NAT16: variants seen among roughly 807,000 people sequenced by gnomAD.
NAT16 encodes probable N-acetyltransferase 16.
NAT16 carries 16 observed loss-of-function variants against 15.9 expected under a neutral mutation model. The ratio of observed to expected loss-of-function variants is 1.01; its 90% CI spans 0.68 to 1.53. NAT16 has a LOEUF of 1.53. NAT16 is among the 40% of genes most tolerant of loss of function. The pLI is 0.00. For missense variants in NAT16, 572 were observed against 508.4 expected, an observed-to-expected ratio of 1.13 and a Z score of -1.20; for synonymous variants, 260 against 241.9, an observed-to-expected ratio of 1.07 and a Z score of -0.69.
intron 3 of NAT16, 51 bp downstream of exon 3, chr7:101,173,245 C>T (rs1187800223): frequency 3.3e-6 from 5 of 1,505,130 alleles, no homozygotes; most frequent in Admixed American, 1.7e-5. Flanking sequence ...AGGGTCTCCC[C>T]ATATGCCCCA....
chr7:101,172,014 A>G lies in NAT16; in HGVS notation c.*65T>C. On this transcript the variant is annotated 3_prime_UTR_variant, in exon 4 of 4. Transcript: ENST00000300303. The surrounding 1 kb of genome is among the most constrained non-coding windows in gnomAD (Gnocchi z 4.2). ...CGCAGCGTCGGAAATGGCAGGAAAGAGGCTGGCTGGGGAAACTGCGGAAGG... is the reference window on the plus strand; with the variant it reads ...CGCAGCGTCGGAAATGGCAGGAAAGGGGCTGGCTGGGGAAACTGCGGAAGG... The G allele has an allele frequency of 8.4e-7, 1 of 1,186,778 alleles. No homozygotes were observed. Among genetic ancestry groups the G allele is most frequent in the South Asian group, 1.4e-5 (1 of 73,902 alleles). The allele number at this position is 1,186,778 out of a possible 1,614,324, so 73.5% of individuals were successfully genotyped here.
chr7:101,172,420 G>T lies in NAT16; in HGVS notation c.769C>A (p.Arg257Ser), dbSNP rs34496028. The T allele has an allele frequency of 6.3e-7, 1 of 1,587,204 alleles. No homozygotes were observed. The highest frequency in any genetic ancestry group is 8.5e-7 in the Non-Finnish European group (1 of 1,169,862). Residue 257 changes from arginine to serine, a missense_variant, in exon 4 of 4, where the codon CGC becomes AGC. Physicochemically the swap from Arg to Ser is moderately radical, Grantham distance 110. Transcript: ENST00000300303. This position sits in a 1 kb window ranked among gnomAD's most constrained non-coding sequence, Gnocchi z 4.2. Reference sequence around the variant, plus strand: ...TCCAGGCCCTTGGCCGCCAGCAGGCGCAGGTTGCTTTCGCTAGGCCGGTAG... The same window carrying T: ...TCCAGGCCCTTGGCCGCCAGCAGGCTCAGGTTGCTTTCGCTAGGCCGGTAG... The part of the protein sequence containing the change: ...QPYRPSESNL[R>S]LLAAKGLEWR...
At chr7:101,179,386 A>T (rs1441355918) in intron 1 of NAT16, 7 of 138,446 alleles carry the variant, frequency 5.1e-5, no homozygotes, top group Non-Finnish European at 6.2e-5. Flanking sequence ...AAAAAATCCT[A>T]GCACGCACCC....
intron 1 of NAT16, chr7:101,179,043 G>A (rs1397265474): frequency 6.6e-6 from 1 of 151,796 alleles, no homozygotes; most frequent in Non-Finnish European, 1.5e-5. Flanking sequence ...AGTCAGAGCT[G>A]GGAATGCCGG....
At position 101,180,246 on chromosome 7, in the gene NAT16, T is replaced by C. The variant is rs1797560103; in HGVS notation, c.-209A>G. ...CGCTGGGGCAGCGCCGCAGCTCCGT[T>C]GGCGACGCGGGCCGGGGCGCCCATC... On this transcript the variant is annotated 5_prime_UTR_variant, in exon 1 of 4. Coordinates refer to ENST00000300303, the MANE Select transcript of NAT16 (RefSeq NM_198571.3). 6.6e-6 allele frequency: 1 copy of C among 152,224 alleles called. No individual in the cohort carries two copies. The highest frequency in any genetic ancestry group is 1.5e-5 in the Non-Finnish European group (1 of 68,084). The allele number at this position is 152,224 out of a possible 1,614,324, so 9.4% of individuals were successfully genotyped here. A position where few individuals can be genotyped will look rare whatever the true frequency, so the allele number is the denominator to read the frequency against.
rs1226983129 is a variant in NAT16 at position 101,173,499 on chromosome 7, C to T, written c.334G>A (p.Val112Met). 3 of 1,602,906 alleles carry T rather than the reference C, an allele frequency of 1.9e-6. No homozygotes were observed. The highest frequency in any genetic ancestry group is 8.5e-7 in the Non-Finnish European group (1 of 1,173,670). ...GGVIALESVN[V>M]IDAGETVLVE... Reference sequence around the variant, plus strand: ...AGCACCGTCTCCCCGGCGTCGATCACGTTCACCGACTCCAGCGCGATCTGC... The same window carrying T: ...AGCACCGTCTCCCCGGCGTCGATCATGTTCACCGACTCCAGCGCGATCTGC... The change falls in exon 3 of 4, where the codon GTG becomes ATG. Residue 112 changes from valine to methionine, a missense_variant. Val to Met is a conservative substitution (Grantham distance 21). Coordinates refer to ENST00000300303, the MANE Select transcript of NAT16 (RefSeq NM_198571.3).
At chr7:101,176,418 C>T (rs1218307001) in intron 1 of NAT16, among the ~76,000 whole-genome samples, 1 of 151,358 alleles carries the variant, frequency 6.6e-6, no homozygotes, top group East Asian at 1.9e-4. Context: ...TCACTTGAAC[C>T]CGGGAGGTAG....
Position 101,173,335 on chromosome 7 carries a change from G to T in NAT16, c.498C>A (p.Gly166=). Residue 166 remains glycine, a synonymous_variant, in exon 3 of 4, where the codon GGC becomes GGA. Coordinates refer to ENST00000300303, the MANE Select transcript of NAT16 (RefSeq NM_198571.3). ...GGCGGTATTTCTTCAGCTCCCGGGGGCCCAGCTGGTCGTCCCGGGTGAGCC... is the reference window on the plus strand; with the variant it reads ...GGCGGTATTTCTTCAGCTCCCGGGGTCCCAGCTGGTCGTCCCGGGTGAGCC... The part of the protein sequence containing the change: ...VARLTRDDQL[G]PRELKKYRLI... 1 of 1,613,994 alleles carries T rather than the reference G, an allele frequency of 6.2e-7. No homozygotes were observed. Among genetic ancestry groups the T allele is most frequent in the Non-Finnish European group, 8.5e-7 (1 of 1,179,980 alleles).
chr7:101,179,657 A>C, intron 1 of NAT16, among the ~76,000 whole-genome samples: 1 of 138,508 alleles, frequency 7.2e-6, no homozygotes, highest in South Asian at 2.5e-4. Context: ...CCAGAGGGCC[A>C]CAGTAGTGGA....
At chr7:101,176,903 A>T (rs903436308) in intron 1 of NAT16, among the ~76,000 whole-genome samples, 7 of 148,158 alleles carry the variant, frequency 4.7e-5, no homozygotes, top group African/African-American at 5.0e-5. Context: ...TGGAATTTTT[A>T]TTTTTTTTTT....
chr7:101,172,586 C>A lies in NAT16; in HGVS notation c.603G>T (p.Ala201=), dbSNP rs762298722. The stretch of plus-strand genomic sequence containing the variant: ...GCGAGAAGGTGCCAGAGGTCCGCAG[C>A]GCCGCCAGCCGCGCGCCCAGCCCGG... ...LLAGLGARLA[A]LRTSGTFSPL... Residue 201 remains alanine (A), a synonymous_variant, in exon 4 of 4, where the codon GCG becomes GCT. Coordinates refer to ENST00000300303, the MANE Select transcript of NAT16 (RefSeq NM_198571.3). This position sits in a 1 kb window ranked among gnomAD's most constrained non-coding sequence, Gnocchi z 4.2. The A allele has an allele frequency of 2.0e-6, 3 of 1,528,198 alleles. No homozygotes were observed. Among genetic ancestry groups the A allele is most frequent in the Non-Finnish European group, 1.7e-6 (2 of 1,146,354 alleles). The allele number at this position is 1,528,198 out of a possible 1,614,324, so 94.7% of individuals were successfully genotyped here.
chr7:101,179,670 A>AG lies in NAT16; in HGVS notation c.-5+371dup, dbSNP rs563704749. On this transcript the variant is annotated intron_variant, in intron 1 of 3. Coordinates refer to ENST00000300303, the MANE Select transcript of NAT16 (RefSeq NM_198571.3). ...CCCCAGAGGGCCACAGTAGTGGAGA[A>AG]GGGGGGGCTGTCCTGCAGGGTCTTC... Among the ~76,000 whole-genome samples, 448 of 47,436 alleles carry AG rather than the reference A, an allele frequency of 9.4e-3. 2 individuals are homozygous for AG. Among genetic ancestry groups the AG allele is most frequent in the South Asian group, 0.028 (48 of 1,694 alleles). 31.1% of individuals were successfully genotyped at this position (47,436 alleles called of 152,430 possible).
chr7:101,173,631 C>G, intron 2 of NAT16, 111 bp from the exon 3 acceptor site: 2 of 1,012,654 alleles, frequency 2.0e-6, no homozygotes, highest in Non-Finnish European at 2.8e-6. Context: ...CGTCACCACC[C>G]GGGCACCAGG....
chr7:101,173,261 G>A (rs1347924231), intron 3 of NAT16, 35 bp downstream of exon 3: 3 of 1,579,918 alleles, frequency 1.9e-6, no homozygotes, highest in African/African-American at 1.3e-5. Flanking sequence ...CCCCAGCAGA[G>A]AGGCCCAGCC....
In NAT16 at chr7:101,174,758, G is replaced by A. The variant is rs143939241; in HGVS notation, c.50C>T (p.Pro17Leu). 108 of 1,602,502 alleles carry A rather than the reference G, an allele frequency of 6.7e-5. No homozygotes were observed. The highest frequency in any genetic ancestry group is 3.4e-4 in the East Asian group (15 of 44,760). Residue 17 changes from proline to leucine, a missense_variant, in exon 2 of 4, where the codon CCG becomes CTG. Transcript: ENST00000300303. ...CGTATSEVPK[P>L]EKKTARDAEP... Reference sequence around the variant, plus strand: ...TGCATCTCGGGCAGTCTTCTTTTCCGGCTTAGGGACCTCTGAGGTGGCTGT... The same window carrying A: ...TGCATCTCGGGCAGTCTTCTTTTCCAGCTTAGGGACCTCTGAGGTGGCTGT...
Position 101,174,825 on chromosome 7 carries a change from G to T in NAT16, c.-4-14C>A, listed in dbSNP as rs370574491. 1.3e-6 allele frequency: 2 copies of T among 1,528,464 alleles called. No individual in the cohort carries two copies. Among genetic ancestry groups the T allele is most frequent in the Non-Finnish European group, 1.8e-6 (2 of 1,142,600 alleles). 94.7% of individuals were successfully genotyped at this position (1,528,464 alleles called of 1,614,324 possible). On this transcript the variant is annotated splice_polypyrimidine_tract_variant and intron_variant, in intron 1 of 3. Coordinates refer to ENST00000300303, the MANE Select transcript of NAT16 (RefSeq NM_198571.3). ...AGCTTCATGACCCTGCAGAAAAAAA[G>T]AGAATTCAGCACCTGGATCAGCCCC...
intron 1 of NAT16, among the ~76,000 whole-genome samples, chr7:101,178,037 G>A (rs894785301): frequency 6.6e-6 from 1 of 152,196 alleles, no homozygotes; most frequent in African/African-American, 2.4e-5. Context: ...TACCCCCAAA[G>A]GTGATAAGTT....
At chr7:101,174,415 C>T (rs1401439140) in intron 2 of NAT16, 81 bp downstream of exon 2, 2 of 1,454,008 alleles carry the variant, frequency 1.4e-6, no homozygotes, top group African/African-American at 1.4e-5. Context: ...TGGGGAGAAG[C>T]TCTCATCCTC....
intron 1 of NAT16, among the ~76,000 whole-genome samples, chr7:101,175,958 C>A (rs1241244741): frequency 6.6e-6 from 1 of 151,762 alleles, no homozygotes; most frequent in Admixed American, 6.6e-5. Flanking sequence ...CTTCAAGGAT[C>A]CCATCACCTC....
Sources: allele counts gnomAD v4.1 joint callset (sites outside exome capture counted in the v4.1 genomes callset), GRCh38; gene constraint gnomAD v4.1.1; non-coding constraint Gnocchi (gnomAD v3.1); transcripts MANE v1.5; gene names NCBI Gene and HGNC (gene_info 2026-07-23, HGNC 2026-07-21).